DNM3: variants seen among roughly 807,000 people sequenced by gnomAD.
The protein encoded by DNM3 is dynamin 3, also known as dynamin-3.
Under a neutral mutation model 101.6 loss-of-function variants are expected in DNM3, and 47 were observed. That is an observed-to-expected ratio of 0.46 (90% CI 0.37 to 0.59). The LOEUF is 0.59. DNM3 is among the 20% of genes least tolerant of loss of function. The pLI is 0.00. For missense variants in DNM3, 849 were observed against 1,085.7 expected, an observed-to-expected ratio of 0.78 and a Z score of 3.06; for synonymous variants, 385 against 387.9, an observed-to-expected ratio of 0.99 and a Z score of 0.09.
At chr1:172,353,571 C>T (rs957578998) in intron 17 of DNM3, among the ~76,000 whole-genome samples, 8 of 152,134 alleles carry the variant, frequency 5.3e-5, no homozygotes, top group African/African-American at 1.7e-4. Context: ...GAACTTTCTT[C>T]CTCACAGATA....
chr1:171,974,851 C>A (rs566405726), intron 2 of DNM3, among the ~76,000 whole-genome samples: 12 of 151,546 alleles, frequency 7.9e-5, no homozygotes, highest in Admixed American at 4.6e-4. Context: ...TCCTTCTCCC[C>A]CTCTTCTTCT....
At chr1:172,167,390 G>A (rs1272507873) in intron 14 of DNM3, among the ~76,000 whole-genome samples, 2 of 152,082 alleles carry the variant, frequency 1.3e-5, no homozygotes, top group Admixed American at 6.6e-5. Flanking sequence ...ACGTGTGCAT[G>A]TGTCTTGATA....
intron 1 of DNM3, among the ~76,000 whole-genome samples, chr1:171,903,746 C>T (rs1005535658): frequency 2.0e-5 from 3 of 152,124 alleles, no homozygotes; most frequent in African/African-American, 7.2e-5. Context: ...AACTTGTAGA[C>T]ATTTTACTCC....
intron 10 of DNM3, among the ~76,000 whole-genome samples, chr1:172,056,854 G>C (rs1158532503): frequency 6.6e-6 from 1 of 152,044 alleles, no homozygotes; most frequent in Non-Finnish European, 1.5e-5. Flanking sequence ...GAACGACTTT[G>C]ACGAGCTGAG....
At chr1:172,039,312 C>T (rs2049193583) in intron 7 of DNM3, among the ~76,000 whole-genome samples, 1 of 152,108 alleles carries the variant, frequency 6.6e-6, no homozygotes. Flanking sequence ...AGCAGCGTGG[C>T]AATCAAAGCA....
At chr1:171,892,837 C>T (rs2037415348) in intron 1 of DNM3, among the ~76,000 whole-genome samples, 1 of 149,848 alleles carries the variant, frequency 6.7e-6, no homozygotes, top group Admixed American at 6.6e-5. Context: ...ACCTAGATCC[C>T]TTGCATAAGC....
intron 14 of DNM3, among the ~76,000 whole-genome samples, chr1:172,218,473 T>A (rs1276086134): frequency 1.3e-5 from 2 of 152,104 alleles, no homozygotes; most frequent in African/African-American, 4.8e-5. Flanking sequence ...GAAGACAACT[T>A]TTGGCAAGTT....
At chr1:172,319,155 T>G (rs1399691035) in intron 16 of DNM3, among the ~76,000 whole-genome samples, 1 of 152,144 alleles carries the variant, frequency 6.6e-6, no homozygotes, top group East Asian at 1.9e-4. Flanking sequence ...CCCTATTTAA[T>G]AAATGGTGCT....
At chr1:172,225,683 G>A (rs1316245609) in intron 14 of DNM3, among the ~76,000 whole-genome samples, 1 of 151,954 alleles carries the variant, frequency 6.6e-6, no homozygotes, top group Admixed American at 6.6e-5. Context: ...GAGCCCAGGA[G>A]ATGGAGTTTA....
chr1:172,124,636 C>A (rs2056520926), intron 13 of DNM3, among the ~76,000 whole-genome samples: 1 of 152,038 alleles, frequency 6.6e-6, no homozygotes, highest in Non-Finnish European at 1.5e-5. Context: ...TGGGAGAGAC[C>A]CTTAAGTCTG....
At chr1:172,195,923 T>C (rs1384751920) in intron 14 of DNM3, among the ~76,000 whole-genome samples, 4 of 151,774 alleles carry the variant, frequency 2.6e-5, no homozygotes, top group Non-Finnish European at 5.9e-5. Context: ...ACTTCTATTT[T>C]AGGTTTGGGG....
intron 2 of DNM3, among the ~76,000 whole-genome samples, chr1:171,942,347 G>A (rs890046551): frequency 2.6e-5 from 4 of 151,552 alleles, no homozygotes; most frequent in African/African-American, 9.7e-5. Flanking sequence ...CTAGTTATAA[G>A]TTGCTGAAAT....
intron 17 of DNM3, among the ~76,000 whole-genome samples, chr1:172,362,759 C>T (rs1470456424): frequency 6.6e-6 from 1 of 151,628 alleles, no homozygotes; most frequent in Non-Finnish European, 1.5e-5. Flanking sequence ...CCTAATCCAG[C>T]TTCTGGCCCC....
At chr1:172,074,489 C>T (rs1022287056) in intron 11 of DNM3, among the ~76,000 whole-genome samples, 1 of 151,986 alleles carries the variant, frequency 6.6e-6, no homozygotes, top group Non-Finnish European at 1.5e-5. Flanking sequence ...ACAACAGGCC[C>T]TGGTGTGTGA....
At chr1:172,167,311 G>C (rs2058785293) in intron 14 of DNM3, among the ~76,000 whole-genome samples, 1 of 152,000 alleles carries the variant, frequency 6.6e-6, no homozygotes, top group Non-Finnish European at 1.5e-5. Context: ...TCTTAATCCA[G>C]TCTATCATTG....
chr1:172,365,434 TAGTC>T (rs1053178245), intron 17 of DNM3, among the ~76,000 whole-genome samples: 11 of 152,054 alleles, frequency 7.2e-5, no homozygotes, highest in South Asian at 6.2e-4. Flanking sequence ...ATTTTTAAAG[TAGTC>T]AGTCATTGAT....
At chr1:171,924,960 C>T (rs1011902325) in intron 2 of DNM3, among the ~76,000 whole-genome samples, 3 of 149,550 alleles carry the variant, frequency 2.0e-5, no homozygotes, top group African/African-American at 7.4e-5. Context: ...AGTGCAGTGG[C>T]GGGATCTCGG....
chr1:172,271,889 A>G (rs2063101848), intron 15 of DNM3, among the ~76,000 whole-genome samples: 1 of 152,148 alleles, frequency 6.6e-6, no homozygotes, highest in African/African-American at 2.4e-5. Flanking sequence ...ACATTCATTA[A>G]TATCCACCAA....
chr1:172,386,326 G>A (rs1207395945), intron 18 of DNM3, among the ~76,000 whole-genome samples: 18 of 151,932 alleles, frequency 1.2e-4, no homozygotes, highest in Admixed American at 1.2e-3. Flanking sequence ...TCTTAGAGTT[G>A]ATGAGATACA....
Sources: gnomAD v4.1 joint callset for allele counts (sites outside exome capture counted in the v4.1 genomes callset) on GRCh38, gnomAD v4.1.1 for gene constraint, MANE v1.5 for transcripts, NCBI Gene and HGNC (gene_info 2026-07-23, HGNC 2026-07-21) for gene names.